Variants in RARB observed in about 807,000 individuals in gnomAD.
The protein encoded by RARB is retinoic acid receptor beta.
Under a neutral mutation model 51.9 loss-of-function variants are expected in RARB, and 17 were observed. The ratio of observed to expected loss-of-function variants is 0.33; its 90% confidence interval spans 0.22 to 0.49. The LOEUF (loss-of-function observed/expected upper bound fraction) is 0.49. Among genes scored for constraint, RARB ranks in the 20% least tolerant of loss-of-function variants. The probability of loss-of-function intolerance (pLI) is 0.99; values close to 1 mark genes in which losing one functional copy is unlikely to be tolerated. For missense variants in RARB, 369 were observed against 550.8 expected, an observed-to-expected ratio of 0.67 and a Z score of 3.30; for synonymous variants, 215 against 195.4, an observed-to-expected ratio of 1.10 and a Z score of -0.84.
intron 5 of RARB, among the ~76,000 whole-genome samples, chr3:25,313,429 C>T (rs144823031): frequency 7.9e-5 from 12 of 152,164 alleles, no homozygotes; most frequent in Non-Finnish European, 1.6e-4. Flanking sequence ...ATGCTTATGC[C>T]TAATGTAGGA....
intron 2 of RARB, among the ~76,000 whole-genome samples, chr3:24,993,671 A>T (rs1006758275): frequency 3.3e-5 from 5 of 152,008 alleles, no homozygotes; most frequent in Admixed American, 3.3e-4. Flanking sequence ...CCCTTCCCCC[A>T]ACCTTCTCAG....
upstream of RARB, chr3:25,428,137 A>T: frequency 2.1e-6 from 2 of 958,894 alleles, no homozygotes; most frequent in Non-Finnish European, 2.7e-6. Flanking sequence ...GGGAGTTTTT[A>T]AGCTCTGTGA....
intron 3 of RARB, among the ~76,000 whole-genome samples, chr3:25,524,675 TC>T (rs1196207730): frequency 6.8e-6 from 1 of 146,988 alleles, no homozygotes; most frequent in Non-Finnish European, 1.5e-5. Context: ...TTCTTCCTCT[TC>T]CTATCCTCTT....
At chr3:25,531,409 TA>T (rs1439823925) in intron 3 of RARB, among the ~76,000 whole-genome samples, 1 of 141,508 alleles carries the variant, frequency 7.1e-6, no homozygotes, top group Non-Finnish European at 1.6e-5. Context: ...GATAGATAGA[TA>T]GATAGATAGA....
At chr3:25,252,917 G>C (rs1005131033) in intron 5 of RARB, among the ~76,000 whole-genome samples, 1 of 152,072 alleles carries the variant, frequency 6.6e-6, no homozygotes, top group Admixed American at 6.5e-5. Context: ...TCAGCTTCTA[G>C]GTCCCATTTG....
intron 5 of RARB, among the ~76,000 whole-genome samples, chr3:25,378,801 G>C (rs1239356801): frequency 6.6e-6 from 1 of 152,158 alleles, no homozygotes; most frequent in Non-Finnish European, 1.5e-5. Context: ...ATACTGATAA[G>C]AATGTGTGTC....
At chr3:25,174,419 T>A (rs1700701984) in exon 5 of RARB, 1 of 1,352,036 alleles carries the variant, frequency 7.4e-7, no homozygotes, top group African/African-American at 1.5e-5. Context: ...CGGCCACGCA[T>A]GTCCGGTCCC....
intron 3 of RARB, among the ~76,000 whole-genome samples, chr3:25,128,704 GC>G (rs1243939874): frequency 6.6e-6 from 1 of 151,738 alleles, no homozygotes; most frequent in African/African-American, 2.4e-5. Flanking sequence ...AAGGAGGCAT[GC>G]CCTGTTTAAC....
intron 5 of RARB, among the ~76,000 whole-genome samples, chr3:25,588,463 T>A (rs1575545865): frequency 6.6e-6 from 1 of 152,346 alleles, no homozygotes; most frequent in East Asian, 1.9e-4. Flanking sequence ...CCTTAAGCTG[T>A]ACTCGAGATT....
chr3:25,558,795 A>C (rs1409902433), intron 3 of RARB, among the ~76,000 whole-genome samples: 6 of 152,070 alleles, frequency 3.9e-5, no homozygotes, highest in African/African-American at 1.4e-4. Flanking sequence ...TTTTGATACC[A>C]TCAGTAGCCC....
At chr3:25,338,481 A>G (rs1226157032) in intron 5 of RARB, among the ~76,000 whole-genome samples, 1 of 152,150 alleles carries the variant, frequency 6.6e-6, no homozygotes, top group Non-Finnish European at 1.5e-5. Flanking sequence ...CTATGTACTG[A>G]ATTACCCACT....
At chr3:25,416,205 T>C (rs1180483465) in intron 5 of RARB, among the ~76,000 whole-genome samples, 1 of 152,188 alleles carries the variant, frequency 6.6e-6, no homozygotes, top group Non-Finnish European at 1.5e-5. Flanking sequence ...AATGTAGTGA[T>C]ACCTCATCTC....
rs1182577425 is a variant in RARB, at chr3:25,110,292, G to C, written c.-327-21869G>C. Among the ~76,000 whole-genome samples, 3 of 152,140 alleles carry C rather than the reference G, an allele frequency of 2.0e-5. No individual in the cohort carries two copies. The East Asian group carries it at 5.8e-4, about 29-fold the overall frequency. On this transcript the variant is annotated intron_variant, in intron 3 of 11. Coordinates refer to the RARB transcript ENST00000383772. ...TCCAATAATAATGTAAAACGAACAT[G>C]TTTACAGCATTCTGTACTTTTCTAA...
At chr3:24,967,895 G>A (rs778518956) in intron 2 of RARB, among the ~76,000 whole-genome samples, 1 of 152,156 alleles carries the variant, frequency 6.6e-6, no homozygotes, top group African/African-American at 2.4e-5. Context: ...AATTGTAACT[G>A]TAAAAGGCAG....
At chr3:24,945,430 A>G (rs1695752843) in intron 2 of RARB, among the ~76,000 whole-genome samples, 1 of 152,206 alleles carries the variant, frequency 6.6e-6, no homozygotes, top group Admixed American at 6.5e-5. Context: ...TGCCTGTGAG[A>G]CATAAGTGAT....
intron 5 of RARB, among the ~76,000 whole-genome samples, chr3:25,302,320 T>G (rs145448228): frequency 6.6e-6 from 1 of 152,204 alleles, no homozygotes; most frequent in Admixed American, 6.5e-5. Context: ...AAACCTAGAA[T>G]GTGAAAGTTC....
At chr3:25,159,553 G>A (rs937548261) in intron 4 of RARB, among the ~76,000 whole-genome samples, 1 of 152,118 alleles carries the variant, frequency 6.6e-6, no homozygotes, top group African/African-American at 2.4e-5. Flanking sequence ...AAGGAAAAGT[G>A]CCACTTGGAA....
At chr3:25,084,277 C>T (rs973169096) in intron 3 of RARB, among the ~76,000 whole-genome samples, 1 of 152,172 alleles carries the variant, frequency 6.6e-6, no homozygotes, top group African/African-American at 2.4e-5. Context: ...ACAACTCTCT[C>T]ATGTGTTTCC....
intron 3 of RARB, among the ~76,000 whole-genome samples, chr3:25,546,585 G>A (rs1419354726): frequency 6.6e-6 from 1 of 152,084 alleles, no homozygotes; most frequent in African/African-American, 2.4e-5. Context: ...TCTAGTCTGA[G>A]AAACTTATTA....
Sources: gnomAD v4.1 joint callset for allele counts (sites outside exome capture counted in the v4.1 genomes callset) on GRCh38, gnomAD v4.1.1 for gene constraint, MANE v1.5 for transcripts, NCBI Gene and HGNC (gene_info 2026-07-23, HGNC 2026-07-21) for gene names.